Variants in MTHFD2L observed in about 807,000 individuals in gnomAD.
MTHFD2L encodes methylenetetrahydrofolate dehydrogenase (NADP+ dependent) 2 like, also known as bifunctional methylenetetrahydrofolate dehydrogenase/cyclohydrolase 2, mitochondrial.
In MTHFD2L, 29 loss-of-function variants were observed where a neutral mutation model predicts 34.9. The ratio of observed to expected loss-of-function variants is 0.83; its 90% CI spans 0.62 to 1.13. MTHFD2L has a LOEUF of 1.13. Ranked by LOEUF, MTHFD2L falls within the 50% of genes most tolerant of loss-of-function variation. The probability of loss-of-function intolerance (pLI) is 0.00; values close to 1 mark genes in which losing one functional copy is unlikely to be tolerated. For missense variants in MTHFD2L, 481 were observed against 446.5 expected (o/e 1.08, Z -0.70); for synonymous variants, 167 against 155.7 (o/e 1.07, Z -0.54).
At chr4:74,141,982 T>C (rs1488029259) in intron 1 of MTHFD2L, among the ~76,000 whole-genome samples, 3 of 152,164 alleles carry the variant, frequency 2.0e-5, no homozygotes, top group African/African-American at 4.8e-5. Context: ...AATATGTAAA[T>C]GGGAGAGTCT....
intron 5 of MTHFD2L, among the ~76,000 whole-genome samples, chr4:74,223,425 A>G (rs1415349225): frequency 6.6e-6 from 1 of 152,046 alleles, no homozygotes; most frequent in African/African-American, 2.4e-5. Flanking sequence ...ATGAGGGCAA[A>G]TGGACACAGA....
intron 6 of MTHFD2L, among the ~76,000 whole-genome samples, chr4:74,254,740 CATACTCTA>C (rs1002323208): frequency 4.9e-4 from 75 of 152,280 alleles, no homozygotes; most frequent in Admixed American, 1.8e-3. Flanking sequence ...TCAAGTTCAA[CATACTCTA>C]ATACTCTAAC....
chr4:74,243,228 A>G (rs752308108), intron 6 of MTHFD2L, among the ~76,000 whole-genome samples: 1 of 152,194 alleles, frequency 6.6e-6, no homozygotes, highest in Non-Finnish European at 1.5e-5. Flanking sequence ...TGTTTTAACT[A>G]TGCATAAATC....
At chr4:74,124,104 G>A (rs1195479308), upstream of MTHFD2L, among the ~76,000 whole-genome samples, 1 of 151,834 alleles carries the variant, frequency 6.6e-6, no homozygotes, top group Admixed American at 6.6e-5. Flanking sequence ...AGGTAACCAC[G>A]TATTTTTACT....
chr4:74,274,806 G>A (rs1235686663), intron 6 of MTHFD2L, among the ~76,000 whole-genome samples: 1 of 152,132 alleles, frequency 6.6e-6, no homozygotes, highest in East Asian at 1.9e-4. Context: ...GACTATTTAT[G>A]TTGTAGAAAT....
At chr4:74,243,769 A>T (rs1742031870) in intron 6 of MTHFD2L, among the ~76,000 whole-genome samples, 1 of 152,194 alleles carries the variant, frequency 6.6e-6, no homozygotes, top group Non-Finnish European at 1.5e-5. Flanking sequence ...TAACAGAGCC[A>T]CGCATTAAAT....
intron 5 of MTHFD2L, among the ~76,000 whole-genome samples, chr4:74,221,149 T>C (rs896550892): frequency 6.6e-6 from 1 of 151,260 alleles, no homozygotes; most frequent in Non-Finnish European, 1.5e-5. Context: ...TCAATAATTA[T>C]AATTTTACTG....
Position 74,199,813 on chromosome 4 carries a change from A to C in MTHFD2L, c.471A>C (p.Thr157=). The change falls in exon 4 of 8, where the codon ACA becomes ACC. Residue 157 remains threonine, a synonymous_variant. Coordinates refer to ENST00000325278, the MANE Select transcript of MTHFD2L (RefSeq NM_001144978.3). The stretch of plus-strand genomic sequence containing the variant: ...TTTCAGACCACGTTGATGAGCGAAC[A>C]ATATGCAATGGAATTGCCCCAGAAA... ...LPLPDHVDER[T]ICNGIAPEKD... 6.2e-7 allele frequency: 1 copy of C among 1,612,328 alleles called. No individual in the cohort carries two copies. Among genetic ancestry groups the C allele is most frequent in the South Asian group, 1.1e-5 (1 of 90,700 alleles).
At chr4:74,151,740 A>G (rs1479552618) in intron 1 of MTHFD2L, among the ~76,000 whole-genome samples, 1 of 152,226 alleles carries the variant, frequency 6.6e-6, no homozygotes, top group Non-Finnish European at 1.5e-5. Flanking sequence ...TTAATAGATT[A>G]TTTTAGTGAA....
At chr4:74,216,262 T>C (rs542656059) in intron 5 of MTHFD2L, among the ~76,000 whole-genome samples, 16 of 151,946 alleles carry the variant, frequency 1.1e-4, no homozygotes, top group African/African-American at 3.9e-4. Flanking sequence ...TCTGGGACAT[T>C]CTTTTCCTCC....
At chr4:74,143,879 T>C (rs1164610753) in intron 1 of MTHFD2L, among the ~76,000 whole-genome samples, 1 of 152,220 alleles carries the variant, frequency 6.6e-6, no homozygotes, top group African/African-American at 2.4e-5. Flanking sequence ...GAATATATTT[T>C]TAAACTTCTA....
At chr4:74,218,466 C>A (rs1401393052) in intron 5 of MTHFD2L, among the ~76,000 whole-genome samples, 1 of 152,000 alleles carries the variant, frequency 6.6e-6, no homozygotes, top group South Asian at 2.1e-4. Context: ...AAAGTATATG[C>A]AAGTTTTGCA....
chr4:74,124,361 G>A (rs1215113176), upstream of MTHFD2L, among the ~76,000 whole-genome samples: 4 of 151,744 alleles, frequency 2.6e-5, no homozygotes, highest in East Asian at 7.7e-4. Context: ...CTGTTGATAA[G>A]ATCATTGTTT....
intron 3 of MTHFD2L, among the ~76,000 whole-genome samples, chr4:74,176,848 G>A (rs554292867): frequency 5.9e-5 from 9 of 152,062 alleles, no homozygotes; most frequent in African/African-American, 1.9e-4. Context: ...ATTAACAATC[G>A]TGATGTGCAA....
chr4:74,167,314 T>A, intron 1 of MTHFD2L, among the ~76,000 whole-genome samples: 1 of 152,148 alleles, frequency 6.6e-6, no homozygotes, highest in South Asian at 2.1e-4. Context: ...CTGAAGCCAG[T>A]TTAGAAAGAC....
chr4:74,167,598 T>C (rs1283203862), intron 1 of MTHFD2L, among the ~76,000 whole-genome samples: 1 of 152,124 alleles, frequency 6.6e-6, no homozygotes, highest in Non-Finnish European at 1.5e-5. Context: ...CAAGAGTGTT[T>C]TATAAGCTGA....
chr4:74,190,345 AG>A (rs1188807269), intron 3 of MTHFD2L: 1 of 296,376 alleles, frequency 3.4e-6, no homozygotes, highest in Non-Finnish European at 5.0e-6. Flanking sequence ...TATAGGGTAA[AG>A]GTTAGCAACC....
At chr4:74,222,253 C>G (rs1282083725) in intron 5 of MTHFD2L, among the ~76,000 whole-genome samples, 6 of 152,050 alleles carry the variant, frequency 3.9e-5, no homozygotes, top group Admixed American at 3.9e-4. Flanking sequence ...TCTGCTATAG[C>G]AGAATATCAC....
chr4:74,158,847 G>C (rs191409436), intron 1 of MTHFD2L, among the ~76,000 whole-genome samples: 1 of 152,240 alleles, frequency 6.6e-6, no homozygotes, highest in Non-Finnish European at 1.5e-5. Flanking sequence ...TTCATTACAT[G>C]TCTTGGTTGC....
Sources: allele counts gnomAD v4.1 joint callset (sites outside exome capture counted in the v4.1 genomes callset), GRCh38; gene constraint gnomAD v4.1.1; transcripts MANE v1.5; gene names NCBI Gene and HGNC (gene_info 2026-07-23, HGNC 2026-07-21).